The following SUGCT variants were observed in gnomAD, a reference collection of about 807,000 sequenced individuals.
The protein encoded by SUGCT is succinyl-CoA:glutarate CoA-transferase.
SUGCT carries 41 observed loss-of-function variants against 55.0 expected under a neutral mutation model. The ratio of observed to expected loss-of-function variants is 0.74; its 90% CI spans 0.58 to 0.97. The LOEUF is 0.97. Among genes scored for constraint, SUGCT ranks in the 50% least tolerant of loss-of-function variants. The probability of loss-of-function intolerance (pLI) is 0.00; values close to 1 mark genes in which losing one functional copy is unlikely to be tolerated. For synonymous variants in SUGCT, 187 were observed against 200.4 expected, an observed-to-expected ratio of 0.93 and a Z score of 0.56; for missense variants, 568 against 547.8, an observed-to-expected ratio of 1.04 and a Z score of -0.37.
the SUGCT span, among the ~76,000 whole-genome samples, chr7:40,954,315 G>T: frequency 1.3e-5 from 2 of 152,332 alleles, no homozygotes; most frequent in Non-Finnish European, 2.9e-5. Context: ...ACCATATTAG[G>T]GTGGGAGTGA....
chr7:40,385,641 T>A (rs185810903), intron 9 of SUGCT, among the ~76,000 whole-genome samples: 10 of 152,360 alleles, frequency 6.6e-5, no homozygotes, highest in Middle Eastern at 3.4e-3. Context: ...TTTTTCTTTT[T>A]AGAAAGGAAG....
chr7:40,886,887 GC>G, the SUGCT span, among the ~76,000 whole-genome samples: 1 of 152,214 alleles, frequency 6.6e-6, no homozygotes, highest in Admixed American at 6.5e-5. Context: ...TCAGGGTACT[GC>G]CAGGGAAAAT....
At chr7:40,977,989 CT>C in the SUGCT span, among the ~76,000 whole-genome samples, 47 of 152,282 alleles carry the variant, frequency 3.1e-4, no homozygotes, top group Middle Eastern at 3.4e-3. Flanking sequence ...CAATTTTTTC[CT>C]GTTCGCCATT....
At chr7:40,194,030 G>A (rs1358333725) in intron 5 of SUGCT, among the ~76,000 whole-genome samples, 1 of 152,060 alleles carries the variant, frequency 6.6e-6, no homozygotes, top group Non-Finnish European at 1.5e-5. Context: ...CCGTAACAGC[G>A]GTCTGGGCAT....
At chr7:40,813,528 A>T (rs1240906740) in intron 13 of SUGCT, among the ~76,000 whole-genome samples, 1 of 152,000 alleles carries the variant, frequency 6.6e-6, no homozygotes, top group Non-Finnish European at 1.5e-5. Flanking sequence ...TAAAGATGGG[A>T]AGCAACTTGT....
At chr7:40,655,401 A>T (rs1469385350) in intron 12 of SUGCT, among the ~76,000 whole-genome samples, 1 of 152,192 alleles carries the variant, frequency 6.6e-6, no homozygotes, top group East Asian at 1.9e-4. Flanking sequence ...GCTGGGTTTC[A>T]CTGAAAAGGT....
chr7:40,822,693 A>T (rs1792086011), intron 13 of SUGCT, among the ~76,000 whole-genome samples: 1 of 152,176 alleles, frequency 6.6e-6, no homozygotes, highest in African/African-American at 2.4e-5. Context: ...GGAACCTTGT[A>T]GAGCACTGTT....
intron 9 of SUGCT, among the ~76,000 whole-genome samples, chr7:40,412,219 C>T (rs1315747135): frequency 2.0e-5 from 3 of 152,192 alleles, no homozygotes; most frequent in Admixed American, 6.5e-5. Flanking sequence ...CACTGCTTGT[C>T]CAAGTCCTCA....
chr7:40,532,500 T>G (rs989365525), intron 12 of SUGCT, among the ~76,000 whole-genome samples: 1 of 151,350 alleles, frequency 6.6e-6, no homozygotes, highest in Non-Finnish European at 1.5e-5. Flanking sequence ...ACTTCAAGTC[T>G]GACACCCTGA....
intron 11 of SUGCT, among the ~76,000 whole-genome samples, chr7:40,484,642 C>G (rs1470528356): frequency 6.6e-6 from 1 of 152,166 alleles, no homozygotes; most frequent in Non-Finnish European, 1.5e-5. Flanking sequence ...TTCTCTAAGC[C>G]TCAGTTTCCT....
At chr7:40,430,223 A>C (rs1273257080) in intron 9 of SUGCT, among the ~76,000 whole-genome samples, 1 of 152,126 alleles carries the variant, frequency 6.6e-6, no homozygotes, top group African/African-American at 2.4e-5. Context: ...TCTATTTTTA[A>C]TTTTTAAAGA....
At chr7:40,199,807 A>G (rs1584323391) in intron 6 of SUGCT, among the ~76,000 whole-genome samples, 1 of 148,584 alleles carries the variant, frequency 6.7e-6, no homozygotes, top group South Asian at 2.1e-4. Context: ...TTTTTTTTTT[A>G]AAGGAAGAGG....
chr7:40,843,131 A>G (rs770995367), intron 13 of SUGCT, among the ~76,000 whole-genome samples: 2 of 152,196 alleles, frequency 1.3e-5, no homozygotes, highest in Non-Finnish European at 2.9e-5. Context: ...AGAATGGTAG[A>G]TGTACATGAA....
chr7:40,307,396 T>A (rs1474120596), intron 8 of SUGCT, among the ~76,000 whole-genome samples: 1 of 152,172 alleles, frequency 6.6e-6, no homozygotes, highest in Admixed American at 6.5e-5. Flanking sequence ...CCAACTAAAC[T>A]TTTCCAGGTT....
rs542092422 is a variant in SUGCT at position 40,541,316 on chromosome 7, T to C, written c.1089+44930T>C. 2.0e-5 allele frequency among the ~76,000 whole-genome samples: 3 copies of C among 152,310 alleles called. No individual in the cohort carries two copies. In the East Asian group the frequency reaches 5.8e-4, roughly 29 times the overall value. On this transcript the variant is annotated intron_variant, in intron 12 of 13. Transcript: ENST00000335693. ...AGATGTGGGGGCCAACATGGACTGC[T>C]GTTGATATTGCATAATGGCGCAGAC...
At chr7:40,969,637 A>G in the SUGCT span, among the ~76,000 whole-genome samples, 3 of 152,194 alleles carry the variant, frequency 2.0e-5, no homozygotes, top group South Asian at 6.2e-4. Flanking sequence ...AATTACAGGC[A>G]TGAGCCGCTG....
chr7:40,854,256 G>A lies in SUGCT; in HGVS notation c.1154-6060G>A, dbSNP rs548221145. Among the ~76,000 whole-genome samples, 3 of 151,738 alleles carry A rather than the reference G, an allele frequency of 2.0e-5. No individual in the cohort carries two copies. In the East Asian group the frequency reaches 5.8e-4, roughly 29 times the overall value. On this transcript the variant is annotated intron_variant, in intron 13 of 13. Transcript: ENST00000335693. Reference sequence around the variant, plus strand: ...AGAAGTTACACAATTAAGGCTTTTTGTCTTCTTAGACTTTCCTTTTGAAGG... The same window carrying A: ...AGAAGTTACACAATTAAGGCTTTTTATCTTCTTAGACTTTCCTTTTGAAGG...
chr7:40,746,372 T>C (rs1787731292), intron 12 of SUGCT, among the ~76,000 whole-genome samples: 1 of 152,052 alleles, frequency 6.6e-6, no homozygotes, highest in East Asian at 1.9e-4. Flanking sequence ...AGAAAGCCTA[T>C]GGAATTGTAT....
At chr7:40,184,971 A>G (rs1031236436) in intron 3 of SUGCT, among the ~76,000 whole-genome samples, 2 of 152,246 alleles carry the variant, frequency 1.3e-5, no homozygotes, top group African/African-American at 2.4e-5. Flanking sequence ...AGGCCAAAGC[A>G]GTTAGCAGAA....
Sources: gnomAD v4.1 joint callset for allele counts (sites outside exome capture counted in the v4.1 genomes callset) on GRCh38, gnomAD v4.1.1 for gene constraint, MANE v1.5 for transcripts, NCBI Gene and HGNC (gene_info 2026-07-23, HGNC 2026-07-21) for gene names.